SUMF1: variants seen among roughly 807,000 people sequenced by gnomAD.
The protein encoded by SUMF1 is formylglycine-generating enzyme.
In SUMF1, 48 loss-of-function variants were observed where a neutral mutation model predicts 47.6. The ratio of observed to expected loss-of-function variants is 1.01; its 90% CI spans 0.80 to 1.28. The LOEUF (loss-of-function observed/expected upper bound fraction) is 1.28, where lower values mean the gene tolerates loss of function less well. Among genes scored for constraint, SUMF1 ranks in the 50% most tolerant of loss-of-function variants. The probability of loss-of-function intolerance (pLI) is 0.00; values close to 1 mark genes in which losing one functional copy is unlikely to be tolerated. For synonymous variants in SUMF1, 230 were observed against 192.1 expected (o/e 1.20, Z -1.63); for missense variants, 571 against 485.4 (o/e 1.18, Z -1.66).
intron 8 of SUMF1, among the ~76,000 whole-genome samples, chr3:4,078,380 A>G (rs1459737990): frequency 6.6e-6 from 1 of 152,142 alleles, no homozygotes; most frequent in African/African-American, 2.4e-5. Context: ...GTAAAACAAC[A>G]TAACAAAAAT....
Position 4,211,199 on chromosome 3 carries a change from C to CATATATATATATATATATATATAT in SUMF1, c.1015-142455_1015-142454insATATATATATATATATATATATAT, listed in dbSNP as rs3046224. 4.4e-4 allele frequency among the ~76,000 whole-genome samples: 37 copies of CATATATATATATATATATATATAT among 85,022 alleles called. 3 individuals are homozygous for CATATATATATATATATATATATAT. The highest frequency in any genetic ancestry group is 6.2e-4 in the Non-Finnish European group (27 of 43,548). The allele number at this position is 85,022 out of a possible 152,430, so 55.8% of individuals were successfully genotyped here. A position where few individuals can be genotyped will look rare whatever the true frequency, so the allele number is the denominator to read the frequency against. On this transcript the variant is annotated intron_variant and NMD_transcript_variant, in intron 8 of 12. Transcript: ENST00000448413. ...ATATATATACATATACATATACATA[C>CATATATATATATATATATATATAT]ATACATATATATATATATATATATA...
At chr3:4,124,584 T>C (rs1339390926) in intron 8 of SUMF1, among the ~76,000 whole-genome samples, 2 of 151,182 alleles carry the variant, frequency 1.3e-5, no homozygotes, top group African/African-American at 2.4e-5. Context: ...TATATTTTAA[T>C]TGAATGAAGG....
rs553654006 is a variant in SUMF1 at position 4,135,358 on chromosome 3, A to C, written c.1015-66613T>G. ...AAATGTAATCCAGCATATAAACAGA[A>C]TAAAAGACAAAAACCACATGATTAT... is the stretch of plus-strand genomic sequence containing the variant. On this transcript the variant is annotated intron_variant and NMD_transcript_variant, in intron 8 of 12. Transcript: ENST00000448413. 1.8e-3 allele frequency among the ~76,000 whole-genome samples: 276 copies of C among 152,238 alleles called. 6 individuals are homozygous for C. The highest frequency in any genetic ancestry group is 6.5e-3 in the African/African-American group (269 of 41,540).
intron 8 of SUMF1, among the ~76,000 whole-genome samples, chr3:4,336,957 T>A (rs1699165137): frequency 6.6e-6 from 1 of 152,230 alleles, no homozygotes; most frequent in Non-Finnish European, 1.5e-5. Flanking sequence ...CCCTAATTTG[T>A]AAGGGCAGCC....
rs139580189 is a variant in SUMF1 at position 4,144,215 on chromosome 3, C to T, written c.1015-75470G>A. Among the ~76,000 whole-genome samples the T allele has an allele frequency of 7.9e-5, 12 of 152,148 alleles. No individual in the cohort carries two copies. In the South Asian group the frequency reaches 1.4e-3, roughly 18 times the overall value. The stretch of plus-strand genomic sequence containing the variant: ...CTCCTGGGCTCTAGCAACGCTCCCA[C>T]CTCGGTCTCCAAAAGTGCTGGAATT... On this transcript the variant is annotated intron_variant and NMD_transcript_variant, in intron 8 of 12. Coordinates refer to the SUMF1 transcript ENST00000448413.
intron 8 of SUMF1, among the ~76,000 whole-genome samples, chr3:4,329,327 T>C (rs1376590078): frequency 6.6e-6 from 1 of 152,228 alleles, no homozygotes; most frequent in East Asian, 1.9e-4. Flanking sequence ...CCATGAGGGC[T>C]CTGCCCCTGC....
At position 4,452,947 on chromosome 3, in the gene SUMF1, A is replaced by T. The variant is rs769476074; in HGVS notation, c.373T>A (p.Tyr125Asn). ...PARRVTIDAF[Y>N]MDAYEVSNTE... ...TTACTGACTTCATAGGCATCCATGTAAAAGGCATCAATAGTAACTCTCCTC... is the reference window on the plus strand; with the variant it reads ...TTACTGACTTCATAGGCATCCATGTTAAAGGCATCAATAGTAACTCTCCTC... The change falls in exon 2 of 9, where the codon TAC becomes AAC. Residue 125 changes from tyrosine to asparagine, a missense_variant. By Grantham distance (143) the Tyr-to-Asn change is moderately radical (BLOSUM62 -2). Coordinates refer to ENST00000272902, the MANE Select transcript of SUMF1 (RefSeq NM_182760.4). The T allele has an allele frequency of 1.2e-6, 2 of 1,614,056 alleles. No individual in the cohort carries two copies. Among genetic ancestry groups the T allele is most frequent in the African/African-American group, 2.7e-5 (2 of 74,934 alleles).
chr3:4,384,873 A>ATTTTCTT (rs1010768527), intron 7 of SUMF1, among the ~76,000 whole-genome samples: 4 of 147,490 alleles, frequency 2.7e-5, no homozygotes, highest in Non-Finnish European at 6.0e-5. Flanking sequence ...TGTTTACTTC[A>ATTTTCTT]TTTTCTTTTT....
rs746995292 is a variant in SUMF1 at position 4,417,959 on chromosome 3, T to C, written c.725+51A>G. On this transcript the variant is annotated intron_variant, in intron 5 of 8. Coordinates refer to ENST00000272902, the MANE Select transcript of SUMF1 (RefSeq NM_182760.4). ...CCATGGAGTTTTTTGTTGTTGTTTG[T>C]TTGTTCAAATGACCAACATATTGTC... 3 of 1,613,298 alleles carry C rather than the reference T, an allele frequency of 1.9e-6. No homozygotes were observed. In the Admixed American group the frequency reaches 5.0e-5, roughly 27 times the overall value.
chr3:4,156,774 C>T (rs1386768141), intron 8 of SUMF1, among the ~76,000 whole-genome samples: 1 of 151,696 alleles, frequency 6.6e-6, no homozygotes, highest in African/African-American at 2.4e-5. Flanking sequence ...AATTGCTAGA[C>T]AACCCAAGCG....
In SUMF1 at chr3:4,143,157, A is replaced by G. The variant is rs532335845; in HGVS notation, c.1015-74412T>C. ...ATTGCAGGCAAATTATCCCTGGAAA[A>G]TACTGCTGGGAAAGGTGCTGAACAA... On this transcript the variant is annotated intron_variant and NMD_transcript_variant, in intron 8 of 12. Transcript: ENST00000448413. Among the ~76,000 whole-genome samples, 10 of 152,252 alleles carry G rather than the reference A, an allele frequency of 6.6e-5. No individual in the cohort carries two copies. The South Asian group carries it at 2.1e-3, about 32-fold the overall frequency.
rs948638947 is a variant in SUMF1 at position 4,361,846 on chromosome 3, C to T, written c.*298G>A. ...GGTCTAACCCCTGTGGCAGAGCCTGCGTAGGACGCGGGCCTCCTGAAGCCT... is the reference window on the plus strand; with the variant it reads ...GGTCTAACCCCTGTGGCAGAGCCTGTGTAGGACGCGGGCCTCCTGAAGCCT... On this transcript the variant is annotated 3_prime_UTR_variant, in exon 9 of 9. Coordinates refer to ENST00000272902, the MANE Select transcript of SUMF1 (RefSeq NM_182760.4). The T allele has an allele frequency of 4.7e-5, 19 of 400,672 alleles. No homozygotes were observed. Among genetic ancestry groups the T allele is most frequent in the African/African-American group, 3.1e-4 (15 of 48,640 alleles). 24.8% of individuals were successfully genotyped at this position (400,672 alleles called of 1,614,324 possible).
intron 8 of SUMF1, among the ~76,000 whole-genome samples, chr3:4,267,306 G>A (rs1269476657): frequency 2.0e-5 from 3 of 152,150 alleles, no homozygotes; most frequent in African/African-American, 4.8e-5. Flanking sequence ...AATGGTACCA[G>A]TTCCTCCCTG....
rs1701479716 is a variant in SUMF1, at chr3:4,409,586, A to G, written c.954+1279T>C. On this transcript the variant is annotated intron_variant, in intron 7 of 8. Coordinates refer to ENST00000272902, the MANE Select transcript of SUMF1 (RefSeq NM_182760.4). Reference sequence around the variant, plus strand: ...TTTTATCTGAGATGAAAAAAATTCTATTTCTGATTCTGACAGCAAATGCCA... The same window carrying G: ...TTTTATCTGAGATGAAAAAAATTCTGTTTCTGATTCTGACAGCAAATGCCA... Among the ~76,000 whole-genome samples, 5 of 152,178 alleles carry G rather than the reference A, an allele frequency of 3.3e-5. No individual in the cohort carries two copies. The South Asian group carries it at 1.0e-3, about 32-fold the overall frequency.
intron 8 of SUMF1, among the ~76,000 whole-genome samples, chr3:4,104,463 C>T (rs939067975): frequency 2.6e-5 from 4 of 152,080 alleles, no homozygotes; most frequent in African/African-American, 7.2e-5. Flanking sequence ...CGTGCCCCAA[C>T]AGGTGATCTG....
chr3:4,404,287 G>C (rs1701305756), intron 7 of SUMF1, among the ~76,000 whole-genome samples: 1 of 152,164 alleles, frequency 6.6e-6, no homozygotes. Context: ...GTCCCAAAAG[G>C]CTGATATTTT....
chr3:4,241,536 T>C (rs1350902765), intron 8 of SUMF1, among the ~76,000 whole-genome samples: 2 of 152,140 alleles, frequency 1.3e-5, no homozygotes, highest in African/African-American at 2.4e-5. Flanking sequence ...CACAGAGTTA[T>C]CATGAGAACC....
At chr3:4,050,204 G>A (rs1050496514) in intron 9 of SUMF1, among the ~76,000 whole-genome samples, 1 of 151,658 alleles carries the variant, frequency 6.6e-6, no homozygotes, top group African/African-American at 2.4e-5. Flanking sequence ...TTGATAGTGG[G>A]GCACTTGCCA....
At position 4,240,338 on chromosome 3, in the gene SUMF1, G is replaced by C. The variant is rs112775760; in HGVS notation, c.1014+135992C>G. ...TCTATTGTTTGGAATAGTTTCAGAA[G>C]GAAACTCCTCTTTGTACCTCTGGTA... On this transcript the variant is annotated intron_variant and NMD_transcript_variant, in intron 8 of 12. Coordinates refer to the SUMF1 transcript ENST00000448413. 1.1e-3 allele frequency among the ~76,000 whole-genome samples: 164 copies of C among 152,160 alleles called. 1 individual carries two copies. The highest frequency in any genetic ancestry group is 1.8e-3 in the Non-Finnish European group (120 of 67,982).
Sources: gnomAD v4.1 joint callset for allele counts (sites outside exome capture counted in the v4.1 genomes callset) on GRCh38, gnomAD v4.1.1 for gene constraint, MANE v1.5 for transcripts, NCBI Gene and HGNC (gene_info 2026-07-23, HGNC 2026-07-21) for gene names.